Variants in PRELID2 observed in about 807,000 individuals in gnomAD.
PRELID2 encodes PRELI domain-containing protein 2.
In PRELID2, 25 loss-of-function variants were observed where a neutral mutation model predicts 28.4. That is an observed-to-expected ratio of 0.88 (90% confidence interval 0.64 to 1.23). PRELID2 has a LOEUF of 1.23. Ranked by LOEUF, PRELID2 falls within the 50% of genes most tolerant of loss-of-function variation. The pLI, the probability that PRELID2 is intolerant of heterozygous loss-of-function variation, is 0.00. For missense variants in PRELID2, 201 were observed against 214.4 expected (o/e 0.94, Z 0.39); for synonymous variants, 76 against 71.6 (o/e 1.06, Z -0.31).
intron 1 of PRELID2, among the ~76,000 whole-genome samples, chr5:145,549,811 A>AG (rs1203677036): frequency 1.3e-5 from 2 of 152,112 alleles, no homozygotes; most frequent in East Asian, 3.9e-4. Context: ...AGAAAAAAAA[A>AG]AAAGAGTACA....
At chr5:145,413,702 C>A in the PRELID2 span, among the ~76,000 whole-genome samples, 2 of 151,756 alleles carry the variant, frequency 1.3e-5, no homozygotes, top group African/African-American at 4.8e-5. Context: ...TCATCCCCCA[C>A]CCCCTTCCCT....
intron 1 of PRELID2, among the ~76,000 whole-genome samples, chr5:145,694,088 A>G (rs1259379065): frequency 6.6e-6 from 1 of 152,218 alleles, no homozygotes; most frequent in African/African-American, 2.4e-5. Context: ...GAGGGCAAAT[A>G]CTAGGACCTA....
chr5:145,411,464 C>T, the PRELID2 span, among the ~76,000 whole-genome samples: 3 of 152,160 alleles, frequency 2.0e-5, no homozygotes, highest in African/African-American at 2.4e-5. Flanking sequence ...TTTTCTTTGA[C>T]TCTATGTTTT....
chr5:145,627,871 C>G (rs765996914), intron 1 of PRELID2, among the ~76,000 whole-genome samples: 2 of 152,112 alleles, frequency 1.3e-5, no homozygotes, highest in Non-Finnish European at 2.9e-5. Context: ...CTTATATGTG[C>G]TAAGCAGGGC....
the PRELID2 span, among the ~76,000 whole-genome samples, chr5:145,328,292 A>G: frequency 2.6e-5 from 4 of 152,322 alleles, no homozygotes; most frequent in African/African-American, 9.6e-5. Flanking sequence ...TCCTTTTGGT[A>G]TATACCCAAT....
At chr5:145,656,158 T>C (rs1422675874) in intron 1 of PRELID2, among the ~76,000 whole-genome samples, 2 of 152,164 alleles carry the variant, frequency 1.3e-5, no homozygotes, top group Non-Finnish European at 2.9e-5. Flanking sequence ...AAAATGCTCG[T>C]CATCACTGGC....
intron 1 of PRELID2, among the ~76,000 whole-genome samples, chr5:145,610,201 C>T (rs892680919): frequency 2.6e-5 from 4 of 152,278 alleles, no homozygotes; most frequent in African/African-American, 7.2e-5. Context: ...CCCTTTCCCA[C>T]ATTGAAGAGG....
chr5:145,719,711 C>T (rs1239226313), intron 1 of PRELID2, among the ~76,000 whole-genome samples: 4 of 151,834 alleles, frequency 2.6e-5, no homozygotes, highest in Middle Eastern at 3.2e-3. Flanking sequence ...ACAAACCTAC[C>T]GGAAGGATAA....
At chr5:145,351,805 A>G in the PRELID2 span, among the ~76,000 whole-genome samples, 1 of 152,206 alleles carries the variant, frequency 6.6e-6, no homozygotes, top group African/African-American at 2.4e-5. Context: ...GCATTGGGTA[A>G]GTATACCCAT....
chr5:145,792,888 A>G lies in PRELID2; in HGVS notation c.474+3554T>C, dbSNP rs1044923811. On this transcript the variant is annotated intron_variant, in intron 5 of 6. Transcript: ENST00000683046. ...AGTTTTCACATGTACCTGTGGGAAC[A>G]CATTAAAATCCCCATTTTGCAGACA... Among the ~76,000 whole-genome samples, 21 of 152,254 alleles carry G rather than the reference A, an allele frequency of 1.4e-4. 1 individual carries two copies. Among genetic ancestry groups the G allele is most frequent in the Admixed American group, 3.3e-4 (5 of 15,278 alleles).
chr5:145,367,629 T>A, the PRELID2 span, among the ~76,000 whole-genome samples: 1 of 151,926 alleles, frequency 6.6e-6, no homozygotes, highest in African/African-American at 2.4e-5. Flanking sequence ...TTTCTGCTAA[T>A]CCCTGACAAC....
intron 1 of PRELID2, among the ~76,000 whole-genome samples, chr5:145,654,320 C>T (rs369922255): frequency 6.6e-6 from 1 of 152,308 alleles, no homozygotes; most frequent in Non-Finnish European, 1.5e-5. Flanking sequence ...ACCAGATGTA[C>T]AAGGAGTAGC....
chr5:145,519,353 C>A (rs1752544628), intron 1 of PRELID2, among the ~76,000 whole-genome samples: 1 of 152,112 alleles, frequency 6.6e-6, no homozygotes, highest in African/African-American at 2.4e-5. Context: ...TGTTTTATCC[C>A]AAGCGGTAAC....
chr5:145,491,270 G>A (rs936312499), intron 1 of PRELID2, among the ~76,000 whole-genome samples: 1 of 152,148 alleles, frequency 6.6e-6, no homozygotes, highest in East Asian at 1.9e-4. Context: ...CTTTCTCATA[G>A]ATGGTGTGTT....
chr5:145,311,807 T>A, the PRELID2 span, among the ~76,000 whole-genome samples: 1 of 152,174 alleles, frequency 6.6e-6, no homozygotes. Context: ...GCTTAAATTC[T>A]AGAGTAGTGC....
chr5:145,703,202 T>C (rs1755454688), intron 1 of PRELID2, among the ~76,000 whole-genome samples: 1 of 152,210 alleles, frequency 6.6e-6, no homozygotes, highest in African/African-American at 2.4e-5. Context: ...ATTAATTGTA[T>C]CAGATAGGAA....
chr5:145,709,957 G>A (rs950396494), intron 1 of PRELID2, among the ~76,000 whole-genome samples: 4 of 152,078 alleles, frequency 2.6e-5, no homozygotes, highest in African/African-American at 9.7e-5. Context: ...TTCTGTCCCT[G>A]GAGAAGCGAG....
In PRELID2 at chr5:145,786,163, G is replaced by T. The variant is rs145262396; in HGVS notation, c.474+10279C>A. On this transcript the variant is annotated intron_variant, in intron 5 of 6. Transcript: ENST00000683046. ...AACCTCTCATTATAATCAATACCCA[G>T]TATATATCAAAAAGAACTTAATACT... is the stretch of plus-strand genomic sequence containing the variant. Among the ~76,000 whole-genome samples, 99 of 152,256 alleles carry T rather than the reference G, an allele frequency of 6.5e-4. 1 individual carries two copies. In the East Asian group the frequency reaches 0.017, roughly 26 times the overall value.
the PRELID2 span, among the ~76,000 whole-genome samples, chr5:145,234,901 C>T: frequency 1.3e-5 from 2 of 152,244 alleles, no homozygotes; most frequent in African/African-American, 4.8e-5. Flanking sequence ...TTTATATGAG[C>T]TGTGGCCTCA....
Sources: allele counts gnomAD v4.1 joint callset (sites outside exome capture counted in the v4.1 genomes callset), GRCh38; gene constraint gnomAD v4.1.1; transcripts MANE v1.5; gene names NCBI Gene and HGNC (gene_info 2026-07-23, HGNC 2026-07-21).